The following TAF15 variants were observed in gnomAD, a reference collection of about 807,000 sequenced individuals.
The protein encoded by TAF15 is TATA-binding protein-associated factor 2N.
Under a neutral mutation model 102.5 loss-of-function variants are expected in TAF15, and 37 were observed. The ratio of observed to expected loss-of-function variants is 0.36; its 90% CI spans 0.28 to 0.47. The LOEUF (loss-of-function observed/expected upper bound fraction) is 0.47. Among genes scored for constraint, TAF15 ranks in the 20% least tolerant of loss-of-function variants. TAF15 has a pLI of 0.99. For missense variants in TAF15, 652 were observed against 760.7 expected, an observed-to-expected ratio of 0.86 and a Z score of 1.68; for synonymous variants, 273 against 259.2, an observed-to-expected ratio of 1.05 and a Z score of -0.51.
intron 11 of TAF15, among the ~76,000 whole-genome samples, chr17:35,840,195 G>A (rs1285521813): frequency 6.8e-6 from 1 of 146,146 alleles, no homozygotes; most frequent in Non-Finnish European, 1.5e-5. Context: ...GTTCCTTTCA[G>A]TTTCAAGATT....
chr17:35,819,505 TG>T (rs1430586005), intron 2 of TAF15, among the ~76,000 whole-genome samples: 1 of 152,198 alleles, frequency 6.6e-6, no homozygotes, highest in Admixed American at 6.5e-5. Flanking sequence ...GGGATAAACA[TG>T]CCTCTAATTA....
chr17:35,843,998 C>G, intron 12 of TAF15, 79 bp from the exon 13 acceptor site: 2 of 1,262,782 alleles, frequency 1.6e-6, no homozygotes, highest in Non-Finnish European at 2.3e-6. Context: ...TGGGTATCTA[C>G]TCTTATGTTA....
At chr17:35,815,124 G>A (rs1170407959) in intron 1 of TAF15, among the ~76,000 whole-genome samples, 1 of 152,096 alleles carries the variant, frequency 6.6e-6, no homozygotes, top group African/African-American at 2.4e-5. Context: ...ATGTGCCAAG[G>A]GGGAAAAGCA....
At position 35,844,886 on chromosome 17, in the gene TAF15, G is replaced by A. The variant is rs1034564011; in HGVS notation, c.1587G>A (p.Gly529=). ...RGGYGGDRSR[G]GYGGDRGGGS... The stretch of plus-strand genomic sequence containing the variant: ...GCTATGGAGGAGACAGAAGCCGGGG[G>A]GGCTATGGAGGAGACCGTGGTGGTG... The change falls in exon 15 of 16, where the codon GGG becomes GGA. Residue 529 remains glycine, a synonymous_variant. Coordinates refer to ENST00000605844, the MANE Select transcript of TAF15 (RefSeq NM_139215.3). 1.9e-6 allele frequency: 3 copies of A among 1,612,176 alleles called. No individual in the cohort carries two copies. Among genetic ancestry groups the A allele is most frequent in the Admixed American group, 1.7e-5 (1 of 59,846 alleles).
intron 2 of TAF15, among the ~76,000 whole-genome samples, chr17:35,819,407 T>C (rs546142000): frequency 6.6e-6 from 1 of 152,316 alleles, no homozygotes; most frequent in African/African-American, 2.4e-5. Context: ...ATTTATTTAG[T>C]CAGTCAACAA....
intron 1 of TAF15, chr17:35,810,121 T>A (rs529205236): frequency 5.2e-6 from 1 of 192,690 alleles, no homozygotes; most frequent in East Asian, 1.4e-4. Flanking sequence ...CACGAAATCG[T>A]ACTTATCGTT....
chr17:35,838,386 T>G, intron 10 of TAF15, 38 bp from the exon 11 acceptor site: 1 of 1,612,808 alleles, frequency 6.2e-7, no homozygotes, highest in South Asian at 1.1e-5. Flanking sequence ...TTACTTATTT[T>G]AAAAATGCTA....
At chr17:35,814,088 G>A (rs1210332567) in intron 1 of TAF15, among the ~76,000 whole-genome samples, 1 of 151,410 alleles carries the variant, frequency 6.6e-6, no homozygotes, top group Non-Finnish European at 1.5e-5. Flanking sequence ...AAAATTTTTT[G>A]TAGAGATAGG....
At chr17:35,837,490 C>T (rs1423217594) in intron 10 of TAF15, among the ~76,000 whole-genome samples, 1 of 150,708 alleles carries the variant, frequency 6.6e-6, no homozygotes, top group African/African-American at 2.4e-5. Flanking sequence ...GTAAAATTCT[C>T]CCTTGTCTTA....
At chr17:35,813,450 G>A (rs8080959) in intron 1 of TAF15, among the ~76,000 whole-genome samples, 40,363 of 151,824 alleles carry the variant, frequency 0.27, 6,378 homozygotes, top group African/African-American at 0.44. Context: ...CCTGGGCAAC[G>A]TGATGAAACT....
Position 35,827,113 on chromosome 17 carries a change from C to T in TAF15, c.605+2915C>T, listed in dbSNP as rs1029502897. ...CAAATTAAAAATAGCAATTCTTGGCCGGGTGCGGTGGCTCACACCTGTAAT... is the reference window on the plus strand; with the variant it reads ...CAAATTAAAAATAGCAATTCTTGGCTGGGTGCGGTGGCTCACACCTGTAAT... On this transcript the variant is annotated intron_variant, in intron 7 of 15. Coordinates refer to ENST00000605844, the MANE Select transcript of TAF15 (RefSeq NM_139215.3). Among the ~76,000 whole-genome samples, 19 of 151,836 alleles carry T rather than the reference C, an allele frequency of 1.3e-4. No homozygotes were observed. In the East Asian group the frequency reaches 1.4e-3, roughly 11 times the overall value.
At chr17:35,834,310 C>G in intron 8 of TAF15, 1 of 470,542 alleles carries the variant, frequency 2.1e-6, no homozygotes, top group East Asian at 3.6e-5. Flanking sequence ...CAGAGCTTAA[C>G]AAAAGTGATA....
Position 35,846,915 on chromosome 17 carries a change from C to T in TAF15, c.1749C>T (p.Tyr583=), listed in dbSNP as rs183908007. ...TATTTTTCATTCCTAGAAACGACTA[C>T]AGAAATGATCAGCGCAACCGACCAT... is the stretch of plus-strand genomic sequence containing the variant. ...YGGKMGGRND[Y]RNDQRNRPY Residue 583 remains tyrosine (Y), a synonymous_variant, in exon 16 of 16, where the codon TAC becomes TAT. Transcript: ENST00000605844. 1.7e-5 allele frequency: 28 copies of T among 1,614,132 alleles called. No individual in the cohort carries two copies. The highest frequency in any genetic ancestry group is 8.5e-7 in the Non-Finnish European group (1 of 1,180,018).
At chr17:35,824,273 G>A (rs2087299698) in intron 7 of TAF15, 75 bp downstream of exon 7, 3 of 1,569,070 alleles carry the variant, frequency 1.9e-6, no homozygotes, top group African/African-American at 2.8e-5. Flanking sequence ...TACTTGGCTG[G>A]ATCAATTCCA....
At chr17:35,821,820 T>C (rs1324020811) in intron 5 of TAF15, among the ~76,000 whole-genome samples, 1 of 152,224 alleles carries the variant, frequency 6.6e-6, no homozygotes, top group Non-Finnish European at 1.5e-5. Flanking sequence ...TTTACTGTTT[T>C]CTAAAATGTA....
intron 1 of TAF15, among the ~76,000 whole-genome samples, chr17:35,813,073 G>C (rs2087145316): frequency 7.3e-6 from 1 of 137,896 alleles, no homozygotes; most frequent in Admixed American, 7.7e-5. Context: ...GTTGCAGTTT[G>C]AGACACTGCA....
At chr17:35,811,864 G>A (rs556769513) in intron 1 of TAF15, among the ~76,000 whole-genome samples, 3 of 152,262 alleles carry the variant, frequency 2.0e-5, no homozygotes, top group Admixed American at 6.5e-5. Flanking sequence ...GGCAGACCAC[G>A]ATTAACTTGA....
chr17:35,826,294 A>C (rs1373266731), intron 7 of TAF15, among the ~76,000 whole-genome samples: 1 of 151,910 alleles, frequency 6.6e-6, no homozygotes, highest in East Asian at 1.9e-4. Flanking sequence ...CTTGCCTTAT[A>C]CTCTGTTATT....
chr17:35,812,639 G>GAA (rs1568239122), intron 1 of TAF15, among the ~76,000 whole-genome samples: 1 of 150,350 alleles, frequency 6.7e-6, no homozygotes, highest in Non-Finnish European at 1.5e-5. Context: ...AAATTTCATG[G>GAA]TTTAGATCAC....
Sources: allele counts gnomAD v4.1 joint callset (sites outside exome capture counted in the v4.1 genomes callset), GRCh38; gene constraint gnomAD v4.1.1; transcripts MANE v1.5; gene names NCBI Gene and HGNC (gene_info 2026-07-23, HGNC 2026-07-21).